Variants in ZC3H12B observed in about 807,000 individuals in gnomAD.
ZC3H12B encodes probable ribonuclease ZC3H12B.
A neutral mutation model predicts 43.9 loss-of-function variants in ZC3H12B; 7 were observed. The observed-to-expected ratio is 0.16, with a 90% CI of 0.09 to 0.30. The LOEUF is 0.30. Ranked by LOEUF, ZC3H12B falls within the 10% of genes least tolerant of loss-of-function variation. The pLI is 1.00. For missense variants in ZC3H12B, 475 were observed against 670.2 expected (o/e 0.71, Z 3.22); for synonymous variants, 222 against 241.7 (o/e 0.92, Z 0.76).
the ZC3H12B span, chrX:65,187,250 C>G: frequency 8.9e-6 from 1 of 111,912 alleles, no homozygotes; most frequent in Admixed American, 9.6e-5. Context: ...AATTGCCCTT[C>G]ACATTGGTGG....
At chrX:65,244,194 A>G in the ZC3H12B span, among the ~76,000 whole-genome samples, 2 of 111,566 alleles carry the variant, frequency 1.8e-5, no homozygotes, top group African/African-American at 6.5e-5. Context: ...TGATTTGGTC[A>G]TTATACGTTG....
At chrX:65,063,754 C>G in the ZC3H12B span, among the ~76,000 whole-genome samples, 1 of 112,130 alleles carries the variant, frequency 8.9e-6, no homozygotes, top group Non-Finnish European at 1.9e-5. Context: ...CTTTGTACCT[C>G]TGGTAGAAAT....
exon 5 of ZC3H12B, chrX:65,503,381 T>C (rs1020878256): frequency 1.9e-5 from 8 of 428,032 alleles, no homozygotes; most frequent in East Asian, 4.2e-5. Flanking sequence ...TCCTCTTTTA[T>C]AGAGAAGGAA....
the ZC3H12B span, among the ~76,000 whole-genome samples, chrX:65,168,773 G>C: frequency 9.0e-6 from 1 of 111,464 alleles, no homozygotes; most frequent in Non-Finnish European, 1.9e-5. Flanking sequence ...TCTTTGGAGG[G>C]TGTGTGTGTC....
intron 1 of ZC3H12B, among the ~76,000 whole-genome samples, chrX:65,495,938 C>T (rs1276263880): frequency 9.0e-6 from 1 of 111,297 alleles, no homozygotes; most frequent in Admixed American, 9.6e-5. Context: ...AATTCCTGGG[C>T]TCAAACAATT....
intron 3 of ZC3H12B, among the ~76,000 whole-genome samples, chrX:65,421,838 C>T (rs1406031464): frequency 9.1e-6 from 1 of 110,008 alleles, no homozygotes; most frequent in Non-Finnish European, 1.9e-5. Context: ...AGTCCCAGCA[C>T]TCGGGAGGCT....
At chrX:65,120,948 A>G in the ZC3H12B span, among the ~76,000 whole-genome samples, 1 of 111,564 alleles carries the variant, frequency 9.0e-6, no homozygotes, top group African/African-American at 3.3e-5. Flanking sequence ...ATGCTGGATT[A>G]TGTTTATTGA....
At chrX:65,077,089 C>A in the ZC3H12B span, among the ~76,000 whole-genome samples, 2 of 111,394 alleles carry the variant, frequency 1.8e-5, no homozygotes. Flanking sequence ...TAGGTTCTGG[C>A]CTATTTTTTG....
At chrX:65,380,148 A>G (rs1412053197) in intron 2 of ZC3H12B, among the ~76,000 whole-genome samples, 1 of 111,798 alleles carries the variant, frequency 8.9e-6, no homozygotes, top group Non-Finnish European at 1.9e-5. Context: ...ACCAACAAAC[A>G]TAATTGTCAG....
chrX:65,042,116 A>T, the ZC3H12B span, among the ~76,000 whole-genome samples: 1 of 112,523 alleles, frequency 8.9e-6, no homozygotes, highest in African/African-American at 3.2e-5. Flanking sequence ...CTATTGTGTA[A>T]CTCATTGCTC....
the ZC3H12B span, among the ~76,000 whole-genome samples, chrX:65,040,560 C>A: frequency 9.1e-6 from 1 of 110,308 alleles, no homozygotes; most frequent in East Asian, 2.8e-4. Context: ...GAGAAGAAGT[C>A]TAAAATGAGT....
intron 3 of ZC3H12B, among the ~76,000 whole-genome samples, chrX:65,468,738 G>A (rs1191351487): frequency 2.9e-5 from 3 of 103,806 alleles, no homozygotes; most frequent in Non-Finnish European, 5.8e-5. Context: ...CGCCTGCCTC[G>A]GCCTCCACGC....
the ZC3H12B span, among the ~76,000 whole-genome samples, chrX:65,152,203 C>T: frequency 5.4e-5 from 6 of 111,352 alleles, no homozygotes; most frequent in East Asian, 2.8e-4. Context: ...ACCACTCCTA[C>T]TCAACATAGT....
intron 3 of ZC3H12B, among the ~76,000 whole-genome samples, chrX:65,482,088 A>C (rs1259222433): frequency 8.9e-6 from 1 of 112,129 alleles, no homozygotes; most frequent in Non-Finnish European, 1.9e-5. Flanking sequence ...TTAACAAAAC[A>C]GTTAAATTGG....
At chrX:65,174,101 C>T in the ZC3H12B span, among the ~76,000 whole-genome samples, 3 of 111,134 alleles carry the variant, frequency 2.7e-5, no homozygotes, top group Admixed American at 9.6e-5. Context: ...GTTGCCTGCT[C>T]CATCCTCTGG....
chrX:65,450,848 T>G (rs1271340028), intron 3 of ZC3H12B, among the ~76,000 whole-genome samples: 1 of 85,216 alleles, frequency 1.2e-5, no homozygotes, highest in Admixed American at 1.4e-4. Context: ...TATGTATATA[T>G]ATACATATGT....
At chrX:65,080,294 A>G in the ZC3H12B span, among the ~76,000 whole-genome samples, 2 of 109,930 alleles carry the variant, frequency 1.8e-5, no homozygotes, top group African/African-American at 6.6e-5. Context: ...AAAGAAAGAG[A>G]TAGGGGTAGA....
intron 2 of ZC3H12B, among the ~76,000 whole-genome samples, chrX:65,373,007 A>T (rs2066269054): frequency 8.9e-6 from 1 of 112,085 alleles, no homozygotes; most frequent in Non-Finnish European, 1.9e-5. Flanking sequence ...CTTGTGAAAA[A>T]TATAGTTCCT....
At chrX:65,086,673 T>C in the ZC3H12B span, among the ~76,000 whole-genome samples, 1 of 112,309 alleles carries the variant, frequency 8.9e-6, no homozygotes, top group East Asian at 2.8e-4. Context: ...GAAAAGAAGG[T>C]TGTCTGTGAG....
Sources: allele counts gnomAD v4.1 joint callset (sites outside exome capture counted in the v4.1 genomes callset), GRCh38; gene constraint gnomAD v4.1.1; transcripts MANE v1.5; gene names NCBI Gene and HGNC (gene_info 2026-07-23, HGNC 2026-07-21).